The following MLPH variants were observed in gnomAD, a reference collection of about 807,000 sequenced individuals.
The protein encoded by MLPH is exophilin-3.
In MLPH, 51 loss-of-function variants were observed where a neutral mutation model predicts 72.1. The observed-to-expected ratio is 0.71, with a 90% CI of 0.56 to 0.89. The LOEUF (loss-of-function observed/expected upper bound fraction) is 0.89. MLPH is among the 40% of genes least tolerant of loss of function. The pLI, the probability that MLPH is intolerant of heterozygous loss-of-function variation, is 0.00. For missense variants in MLPH, 743 were observed against 759.9 expected (o/e 0.98, Z 0.26); for synonymous variants, 301 against 310.1 (o/e 0.97, Z 0.31).
chr2:237,546,153 T>A (rs2080914659), intron 12 of MLPH, among the ~76,000 whole-genome samples: 1 of 152,166 alleles, frequency 6.6e-6, no homozygotes, highest in Non-Finnish European at 1.5e-5. Context: ...GTTGCATTCT[T>A]TTGAGTTCTT....
At chr2:237,535,614 G>A (rs1362594738) in intron 9 of MLPH, among the ~76,000 whole-genome samples, 2 of 152,192 alleles carry the variant, frequency 1.3e-5, no homozygotes, top group African/African-American at 2.4e-5. Flanking sequence ...ACCTGGGCAC[G>A]GAGATAAGGA....
intron 4 of MLPH, among the ~76,000 whole-genome samples, chr2:237,517,434 G>C (rs1030512753): frequency 3.8e-4 from 57 of 151,458 alleles, no homozygotes; most frequent in African/African-American, 1.3e-3. Context: ...TGAGTGGATA[G>C]GTGGATGGAT....
intron 4 of MLPH, among the ~76,000 whole-genome samples, chr2:237,516,496 T>C (rs2080020559): frequency 1.3e-5 from 2 of 152,178 alleles, no homozygotes; most frequent in African/African-American, 2.4e-5. Context: ...TGAAACCATG[T>C]GTTTGGGAGA....
intron 2 of MLPH, among the ~76,000 whole-genome samples, chr2:237,497,072 C>T (rs1477534244): frequency 2.0e-5 from 3 of 152,176 alleles, no homozygotes; most frequent in African/African-American, 7.2e-5. Context: ...GAAGCTGTTC[C>T]ACCTCATTCT....
In MLPH at chr2:237,554,559, A is replaced by T. The variant is rs58528403; in HGVS notation, c.*967A>T. ...CCAGTTTTAAGTGGAGCCCTCCAAG[A>T]CTCTCCAGAGCTGCCTTTGAACATC... On this transcript the variant is annotated 3_prime_UTR_variant, in exon 16 of 16. Coordinates refer to ENST00000264605, the MANE Select transcript of MLPH (RefSeq NM_024101.7). 0.15 allele frequency: 22,800 copies of T among 152,264 alleles called. 2,315 individuals are homozygous for T. Among genetic ancestry groups the T allele is most frequent in the African/African-American group, 0.29 (12,012 of 41,376 alleles). 9.4% of individuals were successfully genotyped at this position (152,264 alleles called of 1,614,324 possible).
rs1334785069 is a variant in MLPH at position 237,527,443 on chromosome 2, A to G, written c.947A>G (p.Glu316Gly). ...TTGGCCGATGTGGACACCTCTGATG[A>G]GGAAAGCATCCGGGCTCACGTGATG... ...QYLADVDTSD[E>G]ESIRAHVMAS... Residue 316 changes from glutamate to glycine, a missense_variant, in exon 8 of 16, where the codon GAG (glutamate) becomes GGG (glycine). By Grantham distance (98) the Glu-to-Gly change is moderately conservative. Transcript: ENST00000264605. The G allele has an allele frequency of 1.9e-6, 3 of 1,614,218 alleles. No homozygotes were observed. The highest frequency in any genetic ancestry group is 1.7e-5 in the Admixed American group (1 of 60,030).
At position 237,513,707 on chromosome 2, in the gene MLPH, G is replaced by A. The variant is rs112839187; in HGVS notation, c.445+2606G>A. ...CCTCTTCATGTTCATTGTGGGGGCC[G>A]GGGACATCACCCTGACAGGTGGGTC... On this transcript the variant is annotated intron_variant, in intron 4 of 15. Transcript: ENST00000264605. Among the ~76,000 whole-genome samples the A allele has an allele frequency of 4.0e-3, 608 of 152,146 alleles. 3 individuals are homozygous for A. Among genetic ancestry groups the A allele is most frequent in the Non-Finnish European group, 6.7e-3 (454 of 68,004 alleles).
rs967189506 is a variant in MLPH, at chr2:237,512,755, T to C, written c.445+1654T>C. 3.3e-5 allele frequency among the ~76,000 whole-genome samples: 5 copies of C among 152,074 alleles called. No homozygotes were observed. Among genetic ancestry groups the C allele is most frequent in the African/African-American group, 1.2e-4 (5 of 41,404 alleles). On this transcript the variant is annotated intron_variant, in intron 4 of 15. Transcript: ENST00000264605. This position sits in a 1 kb window ranked among gnomAD's most constrained non-coding sequence, Gnocchi z 5.5. ...CATAACACCGGGAAAAGCCATGCTGTCAAGCATCTCAGAATCTCAACCCCA... is the reference window on the plus strand; with the variant it reads ...CATAACACCGGGAAAAGCCATGCTGCCAAGCATCTCAGAATCTCAACCCCA...
At chr2:237,488,985 C>T (rs1056527517) in intron 1 of MLPH, among the ~76,000 whole-genome samples, 4 of 152,158 alleles carry the variant, frequency 2.6e-5, no homozygotes, top group African/African-American at 9.7e-5. Flanking sequence ...ATCACTCCCC[C>T]TCTTAATTTC....
chr2:237,522,894 G>A (rs915803150), intron 6 of MLPH, among the ~76,000 whole-genome samples: 5 of 152,216 alleles, frequency 3.3e-5, no homozygotes, highest in African/African-American at 1.2e-4. Context: ...TGGACTGCTT[G>A]AGGGCTGCTG....
chr2:237,545,457 G>C (rs1177508297), intron 12 of MLPH: 4 of 1,287,068 alleles, frequency 3.1e-6, no homozygotes, highest in Middle Eastern at 2.2e-4. Flanking sequence ...CCCTAAAAAG[G>C]CTCTTTATGA....
In MLPH at chr2:237,538,386, G is replaced by A. The variant is rs189589465; in HGVS notation, c.1105-1962G>A. On this transcript the variant is annotated intron_variant, in intron 9 of 15. Transcript: ENST00000264605. Reference sequence around the variant, plus strand: ...ACTGAGGTTTACACCCAAGGCGACAGGACGGATGGGTCTTGGGGCTTCCTG... The same window carrying A: ...ACTGAGGTTTACACCCAAGGCGACAAGACGGATGGGTCTTGGGGCTTCCTG... Among the ~76,000 whole-genome samples the A allele has an allele frequency of 8.5e-4, 129 of 152,364 alleles. 1 individual carries two copies. Among genetic ancestry groups the A allele is most frequent in the African/African-American group, 3.0e-3 (126 of 41,580 alleles).
At chr2:237,492,852 C>A (rs2079454367) in intron 1 of MLPH, among the ~76,000 whole-genome samples, 1 of 152,232 alleles carries the variant, frequency 6.6e-6, no homozygotes, top group Non-Finnish European at 1.5e-5. Context: ...AGTCTCCCAA[C>A]TTTTCCACCT....
chr2:237,499,547 G>A (rs2079604359), intron 2 of MLPH, among the ~76,000 whole-genome samples: 1 of 152,096 alleles, frequency 6.6e-6, no homozygotes, highest in African/African-American at 2.4e-5. Flanking sequence ...AAGGGTTACA[G>A]GAGAGAAGAA....
rs555110637 is a variant in MLPH, at chr2:237,512,879, G to A, written c.445+1778G>A. Among the ~76,000 whole-genome samples, 1 of 152,178 alleles carries A rather than the reference G, an allele frequency of 6.6e-6. No homozygotes were observed. Among genetic ancestry groups the A allele is most frequent in the South Asian group, 2.1e-4 (1 of 4,810 alleles). On this transcript the variant is annotated intron_variant, in intron 4 of 15. Coordinates refer to ENST00000264605, the MANE Select transcript of MLPH (RefSeq NM_024101.7). This position sits in a 1 kb window ranked among gnomAD's most constrained non-coding sequence, Gnocchi z 5.5. ...AGCCCAGAGCTGCTGGAGTTCACAC[G>A]GCCCACCAGAACCTGCTGACTTCAA... is the stretch of plus-strand genomic sequence containing the variant.
At chr2:237,501,664 TAAAAAAA>T (rs58268748) in intron 2 of MLPH, among the ~76,000 whole-genome samples, 2 of 63,562 alleles carry the variant, frequency 3.1e-5, no homozygotes, top group Admixed American at 1.6e-4. Flanking sequence ...ACGTCTCTAC[TAAAAAAA>T]AAAAAAAAAA....
intron 8 of MLPH, among the ~76,000 whole-genome samples, chr2:237,532,632 G>A (rs1315224643): frequency 3.9e-5 from 6 of 152,214 alleles, no homozygotes; most frequent in African/African-American, 7.2e-5. Flanking sequence ...TGGTATTGTC[G>A]CGAGTTGAAA....
chr2:237,505,159 T>C lies in MLPH; in HGVS notation c.111-5415T>C, dbSNP rs2079738248. Among the ~76,000 whole-genome samples the C allele has an allele frequency of 6.6e-6, 1 of 152,172 alleles. No individual in the cohort carries two copies. The highest frequency in any genetic ancestry group is 2.4e-5 in the African/African-American group (1 of 41,444). ...TTGATGGGGTCTGGACTCCACACAC[T>C]GTCCCCACCTCCTTGCTGGTCCTGA... On this transcript the variant is annotated intron_variant, in intron 2 of 15. Transcript: ENST00000264605. This position sits in a 1 kb window ranked among gnomAD's most constrained non-coding sequence, Gnocchi z 4.5.
chr2:237,518,627 G>A lies in MLPH; in HGVS notation c.534G>A (p.Gln178=), dbSNP rs1265900279. 5 of 1,613,184 alleles carry A rather than the reference G, an allele frequency of 3.1e-6. No homozygotes were observed. The South Asian group carries it at 5.5e-5, about 18-fold the overall frequency. ...AACCTGGCTCAGAGGCCCAGGCCCA[G>A]GCCCAGCCCTTTGGCAGCAAAGTAA... ...DGEPGSEAQA[Q]AQPFGSKKKR... The change falls in exon 5 of 16, where the codon CAG becomes CAA. Residue 178 remains glutamine, a synonymous_variant. Transcript: ENST00000264605.
Sources: gnomAD v4.1 joint callset for allele counts (sites outside exome capture counted in the v4.1 genomes callset) on GRCh38, gnomAD v4.1.1 for gene constraint, Gnocchi (gnomAD v3.1) non-coding constraint, MANE v1.5 for transcripts, NCBI Gene and HGNC (gene_info 2026-07-23, HGNC 2026-07-21) for gene names.